ARHGAP44: variants seen among roughly 807,000 people sequenced by gnomAD.
ARHGAP44 encodes rho GTPase-activating protein 44.
In ARHGAP44, 43 loss-of-function variants were observed where a neutral mutation model predicts 106.8. The observed-to-expected ratio is 0.40, with a 90% CI of 0.32 to 0.52. The LOEUF is 0.52. Ranked by LOEUF, ARHGAP44 falls within the 20% of genes least tolerant of loss-of-function variation. The probability of loss-of-function intolerance (pLI) is 0.48; values close to 1 mark genes in which losing one functional copy is unlikely to be tolerated. For synonymous variants in ARHGAP44, 439 were observed against 410.3 expected, an observed-to-expected ratio of 1.07 and a Z score of -0.85; for missense variants, 866 against 1,050.5, an observed-to-expected ratio of 0.82 and a Z score of 2.43.
At chr17:12,819,973 A>G (rs2034718102) in intron 1 of ARHGAP44, among the ~76,000 whole-genome samples, 1 of 152,104 alleles carries the variant, frequency 6.6e-6, no homozygotes, top group African/African-American at 2.4e-5. Flanking sequence ...CTATTGAAGA[A>G]ATCATTGCCT....
At chr17:12,965,697 A>G (rs575928380) in intron 16 of ARHGAP44, among the ~76,000 whole-genome samples, 1 of 152,332 alleles carries the variant, frequency 6.6e-6, no homozygotes, top group African/African-American at 2.4e-5. Flanking sequence ...TGCTGTTACA[A>G]GGCACAGACC....
chr17:12,954,615 G>A (rs2039082324), intron 13 of ARHGAP44, among the ~76,000 whole-genome samples: 1 of 152,134 alleles, frequency 6.6e-6, no homozygotes, highest in South Asian at 2.1e-4. Flanking sequence ...AAGGTGAGCA[G>A]AAAATCCCGA....
chr17:12,873,030 ACTTTC>A (rs2036448494), intron 1 of ARHGAP44, among the ~76,000 whole-genome samples: 1 of 152,022 alleles, frequency 6.6e-6, no homozygotes, highest in Non-Finnish European at 1.5e-5. Context: ...CCATGAGGTG[ACTTTC>A]CTTTCCTTAG....
chr17:12,916,662 G>A (rs2037926276), intron 5 of ARHGAP44, among the ~76,000 whole-genome samples: 1 of 152,232 alleles, frequency 6.6e-6, no homozygotes, highest in African/African-American at 2.4e-5. Context: ...TGGGATTATA[G>A]GCGTGAGCCA....
At position 12,990,860 on chromosome 17, in the gene ARHGAP44, TAAAAC is replaced by T. The variant is rs544849011; in HGVS notation, c.*698_*702del. 4 of 152,398 alleles carry T rather than the reference TAAAAC, an allele frequency of 2.6e-5. No individual in the cohort carries two copies. The highest frequency in any genetic ancestry group is 1.3e-4 in the Admixed American group (2 of 15,298). 9.4% of individuals were successfully genotyped at this position (152,398 alleles called of 1,614,324 possible). ...ATATCATTTTATATTTCTGAATCTA[TAAAAC>T]AAAACAAACAAGCCTGACAGTGTCT... is the stretch of plus-strand genomic sequence containing the variant. On this transcript the variant is annotated 3_prime_UTR_variant, in exon 21 of 21. Coordinates refer to ENST00000379672, the MANE Select transcript of ARHGAP44 (RefSeq NM_014859.6).
chr17:12,958,140 TTGAC>T lies in ARHGAP44; in HGVS notation c.1343-574_1343-571del, dbSNP rs1285302889. On this transcript the variant is annotated intron_variant, in intron 15 of 20. Transcript: ENST00000379672. This position sits in a 1 kb window ranked among gnomAD's most constrained non-coding sequence, Gnocchi z 4.1. Reference sequence around the variant, plus strand: ...ATTGTGCAGAGCTAATTTATTCTCATTGACTGGGAAAGGATGGGATGAGTACTTC... The same window carrying T: ...ATTGTGCAGAGCTAATTTATTCTCATTGGGAAAGGATGGGATGAGTACTTC... Among the ~76,000 whole-genome samples, 2 of 152,220 alleles carry T rather than the reference TTGAC, an allele frequency of 1.3e-5. No homozygotes were observed. Among genetic ancestry groups the T allele is most frequent in the African/African-American group, 4.8e-5 (2 of 41,462 alleles).
chr17:12,985,712 T>G (rs1420912613), intron 20 of ARHGAP44: 1 of 152,168 alleles, frequency 6.6e-6, no homozygotes, highest in Non-Finnish European at 1.5e-5. Flanking sequence ...GCTGCTAAAG[T>G]CATTTGAGCA....
At chr17:12,829,613 C>A (rs1429669230) in intron 1 of ARHGAP44, among the ~76,000 whole-genome samples, 1 of 152,150 alleles carries the variant, frequency 6.6e-6, no homozygotes, top group African/African-American at 2.4e-5. Flanking sequence ...ATATCACACT[C>A]AGCTTTGATC....
At chr17:12,984,390 C>A in intron 19 of ARHGAP44, 141 bp from the exon 20 acceptor site, 1 of 782,578 alleles carries the variant, frequency 1.3e-6, no homozygotes, top group Non-Finnish European at 1.8e-6. Context: ...GGCCGGGGGG[C>A]AGGGCAGGGA....
At chr17:12,900,426 C>G (rs2037342124) in intron 3 of ARHGAP44, among the ~76,000 whole-genome samples, 1 of 151,840 alleles carries the variant, frequency 6.6e-6, no homozygotes, top group Non-Finnish European at 1.5e-5. Flanking sequence ...CACACCCGGC[C>G]TCCATGTTGC....
At position 12,946,034 on chromosome 17, in the gene ARHGAP44, T is replaced by C. The variant is rs1051927479; in HGVS notation, c.861+1838T>C. Among the ~76,000 whole-genome samples, 3 of 152,244 alleles carry C rather than the reference T, an allele frequency of 2.0e-5. No homozygotes were observed. The South Asian group carries it at 6.2e-4, about 32-fold the overall frequency. On this transcript the variant is annotated intron_variant, in intron 10 of 20. Coordinates refer to ENST00000379672, the MANE Select transcript of ARHGAP44 (RefSeq NM_014859.6). Reference sequence around the variant, plus strand: ...TCGGCCTCCCAAAGTGCTGAGATTATAGGCGTGAGCCACCGCACTGGGCCT... The same window carrying C: ...TCGGCCTCCCAAAGTGCTGAGATTACAGGCGTGAGCCACCGCACTGGGCCT...
intron 7 of ARHGAP44, among the ~76,000 whole-genome samples, chr17:12,936,796 T>C (rs7223851): frequency 0.74 from 113,320 of 152,206 alleles, 42,524 homozygotes; most frequent in African/African-American, 0.82. Context: ...CTATACTCTG[T>C]ATTCCCACCA....
chr17:12,921,012 T>C (rs952311428), intron 6 of ARHGAP44, among the ~76,000 whole-genome samples: 2 of 152,224 alleles, frequency 1.3e-5, no homozygotes, highest in African/African-American at 4.8e-5. Context: ...AAGAACTATT[T>C]GGTTCTACCT....
At position 12,949,535 on chromosome 17, in the gene ARHGAP44, C is replaced by A; in HGVS notation, c.974-114C>A. The A allele has an allele frequency of 1.1e-6, 1 of 952,216 alleles. No individual in the cohort carries two copies. Among genetic ancestry groups the A allele is most frequent in the Non-Finnish European group, 1.6e-6 (1 of 623,142 alleles). The allele number at this position is 952,216 out of a possible 1,614,324, so 59.0% of individuals were successfully genotyped here. On this transcript the variant is annotated intron_variant, in intron 11 of 20. Coordinates refer to ENST00000379672, the MANE Select transcript of ARHGAP44 (RefSeq NM_014859.6). The surrounding 1 kb of genome is among the most constrained non-coding windows in gnomAD (Gnocchi z 4.1). Reference sequence around the variant, plus strand: ...ATAGGAAGCTACCATTTGCTGTTGACATGGTGGTCAGGAGGCCCATCCCCA... The same window carrying A: ...ATAGGAAGCTACCATTTGCTGTTGAAATGGTGGTCAGGAGGCCCATCCCCA...
At chr17:12,894,479 T>G (rs2037145199) in intron 1 of ARHGAP44, among the ~76,000 whole-genome samples, 1 of 152,158 alleles carries the variant, frequency 6.6e-6, no homozygotes, top group Non-Finnish European at 1.5e-5. Context: ...TCCACTTTCT[T>G]GTGGACATAA....
At chr17:12,800,710 C>T (rs553984900) in intron 1 of ARHGAP44, among the ~76,000 whole-genome samples, 2 of 152,284 alleles carry the variant, frequency 1.3e-5, no homozygotes, top group Non-Finnish European at 2.9e-5. Flanking sequence ...CTCATTGCAA[C>T]GTCTCTGTGA....
chr17:12,872,238 C>G (rs2036427557), intron 1 of ARHGAP44, among the ~76,000 whole-genome samples: 1 of 152,178 alleles, frequency 6.6e-6, no homozygotes, highest in Non-Finnish European at 1.5e-5. Flanking sequence ...CATATGCCTT[C>G]ATACCTTCCA....
chr17:12,875,375 C>T (rs1375996832), intron 1 of ARHGAP44, among the ~76,000 whole-genome samples: 3 of 151,932 alleles, frequency 2.0e-5, no homozygotes, highest in Admixed American at 6.6e-5. Flanking sequence ...AGGAGGATTG[C>T]GTGAGCCCAG....
rs2040122618 is a variant in ARHGAP44, at chr17:12,991,016, TC to T, written c.*846del. ...GGGGTCCTGGAGCCTGTCTCTTCTT[TC>T]TGGAGGTTCAAACTGAATAGCAATA... On this transcript the variant is annotated 3_prime_UTR_variant, in exon 21 of 21. Transcript: ENST00000379672. 1 of 152,612 alleles carries T rather than the reference TC, an allele frequency of 6.6e-6. No individual in the cohort carries two copies. The highest frequency in any genetic ancestry group is 1.5e-5 in the Non-Finnish European group (1 of 68,046). The allele number at this position is 152,612 out of a possible 1,614,324, so 9.5% of individuals were successfully genotyped here.
Sources: gnomAD v4.1 joint callset for allele counts (sites outside exome capture counted in the v4.1 genomes callset) on GRCh38, gnomAD v4.1.1 for gene constraint, Gnocchi (gnomAD v3.1) non-coding constraint, MANE v1.5 for transcripts, NCBI Gene and HGNC (gene_info 2026-07-23, HGNC 2026-07-21) for gene names.